The following NKAIN2 variants were observed in gnomAD, a reference collection of about 807,000 sequenced individuals.
NKAIN2 encodes sodium/potassium-transporting ATPase subunit beta-1-interacting protein 2.
In NKAIN2, 14 loss-of-function variants were observed where a neutral mutation model predicts 32.6. The ratio of observed to expected loss-of-function variants is 0.43; its 90% CI spans 0.28 to 0.67. NKAIN2 has a LOEUF of 0.67. NKAIN2 is among the 30% of genes least tolerant of loss of function. NKAIN2 has a pLI of 0.17. For synonymous variants in NKAIN2, 80 were observed against 87.2 expected (o/e 0.92, Z 0.46); for missense variants, 198 against 258.3 (o/e 0.77, Z 1.60).
chr6:123,866,525 G>A (rs1032475332), intron 1 of NKAIN2, among the ~76,000 whole-genome samples: 2 of 152,078 alleles, frequency 1.3e-5, no homozygotes, highest in Non-Finnish European at 2.9e-5. Context: ...CCGCCTCCTG[G>A]ATTCAAGCCA....
At position 124,395,282 on chromosome 6, in the gene NKAIN2, A is replaced by G. The variant is rs539586233; in HGVS notation, c.273+39935A>G. 3.6e-4 allele frequency among the ~76,000 whole-genome samples: 55 copies of G among 152,236 alleles called. 1 individual carries two copies. In the South Asian group the frequency reaches 0.011, roughly 31 times the overall value. On this transcript the variant is annotated intron_variant, in intron 3 of 6. Coordinates refer to ENST00000368417, the MANE Select transcript of NKAIN2 (RefSeq NM_001040214.3). Reference sequence around the variant, plus strand: ...CCATCCAAGTCATAGGTGATTCCAGAGAGAAATCTTCTATGAAATTCTTCC... The same window carrying G: ...CCATCCAAGTCATAGGTGATTCCAGGGAGAAATCTTCTATGAAATTCTTCC...
chr6:124,377,708 T>C (rs1392587568), intron 3 of NKAIN2, among the ~76,000 whole-genome samples: 1 of 152,132 alleles, frequency 6.6e-6, no homozygotes, highest in African/African-American at 2.4e-5. Flanking sequence ...CCATTGAACT[T>C]TACCATGAGA....
intron 1 of NKAIN2, among the ~76,000 whole-genome samples, chr6:123,936,857 A>G (rs1040968400): frequency 2.0e-5 from 3 of 152,170 alleles, no homozygotes; most frequent in African/African-American, 7.2e-5. Flanking sequence ...CTATTATTCT[A>G]GTGGGAATAC....
intron 1 of NKAIN2, among the ~76,000 whole-genome samples, chr6:123,956,569 A>T (rs1000950440): frequency 6.6e-6 from 1 of 152,214 alleles, no homozygotes; most frequent in African/African-American, 2.4e-5. Flanking sequence ...TCCAACCTCC[A>T]CAACTTTGGA....
At chr6:124,419,104 G>A (rs1033411325) in intron 3 of NKAIN2, among the ~76,000 whole-genome samples, 1 of 151,888 alleles carries the variant, frequency 6.6e-6, no homozygotes, top group African/African-American at 2.4e-5. Flanking sequence ...AAATTAATTT[G>A]CCTCCACTTC....
intron 1 of NKAIN2, among the ~76,000 whole-genome samples, chr6:124,026,729 T>A (rs1198244871): frequency 1.3e-5 from 2 of 152,196 alleles, no homozygotes; most frequent in Non-Finnish European, 2.9e-5. Context: ...ACTTGCTGGA[T>A]ATCATTTTTC....
At chr6:124,163,478 TC>T (rs1788378939) in intron 1 of NKAIN2, among the ~76,000 whole-genome samples, 1 of 151,916 alleles carries the variant, frequency 6.6e-6, no homozygotes, top group South Asian at 2.1e-4. Flanking sequence ...TTCCTCCTAG[TC>T]TTGAGTTCTC....
chr6:123,986,255 T>C lies in NKAIN2; in HGVS notation c.54+182001T>C, dbSNP rs61615535. ...AGACAAATACAGTGATTTTAGAAAATGAAGATACTTCTTTTATATAGGCTA... is the reference window on the plus strand; with the variant it reads ...AGACAAATACAGTGATTTTAGAAAACGAAGATACTTCTTTTATATAGGCTA... On this transcript the variant is annotated intron_variant, in intron 1 of 6. Transcript: ENST00000368417. 3.4e-3 allele frequency among the ~76,000 whole-genome samples: 519 copies of C among 152,220 alleles called. 5 individuals carry two copies. Among genetic ancestry groups the C allele is most frequent in the African/African-American group, 0.012 (496 of 41,542 alleles).
At chr6:124,495,008 G>T (rs1432926272) in intron 3 of NKAIN2, among the ~76,000 whole-genome samples, 1 of 151,994 alleles carries the variant, frequency 6.6e-6, no homozygotes, top group Non-Finnish European at 1.5e-5. Flanking sequence ...ACAGTCATTG[G>T]TTAATTCTAT....
chr6:124,413,836 A>G (rs1184256586), intron 3 of NKAIN2, among the ~76,000 whole-genome samples: 2 of 152,128 alleles, frequency 1.3e-5, no homozygotes, highest in Admixed American at 1.3e-4. Flanking sequence ...ATGATTGTGT[A>G]TTGCTAATAT....
In NKAIN2 at chr6:123,895,220, AACACACACAC is replaced by A. The variant is rs900144957; in HGVS notation, c.54+90970_54+90979del. Among the ~76,000 whole-genome samples, 11 of 151,176 alleles carry A rather than the reference AACACACACAC, an allele frequency of 7.3e-5. No homozygotes were observed. In the East Asian group the frequency reaches 2.1e-3, roughly 30 times the overall value. ...ACAGACACACACACACACACACAAGAACACACACACACATACACACAGCAACAGCAGCAGC... is the reference window on the plus strand; with the variant it reads ...ACAGACACACACACACACACACAAGAACATACACACAGCAACAGCAGCAGC... On this transcript the variant is annotated intron_variant, in intron 1 of 6. Coordinates refer to ENST00000368417, the MANE Select transcript of NKAIN2 (RefSeq NM_001040214.3).
intron 4 of NKAIN2, among the ~76,000 whole-genome samples, chr6:124,752,749 T>C (rs1777782889): frequency 6.6e-6 from 1 of 152,092 alleles, no homozygotes; most frequent in Admixed American, 6.6e-5. Context: ...ACAAAGAATG[T>C]ATATCTAAGT....
chr6:124,476,065 A>AGAGTGTGTGTGTGTGT (rs1487948768), intron 3 of NKAIN2, among the ~76,000 whole-genome samples: 4 of 132,462 alleles, frequency 3.0e-5, no homozygotes, highest in African/African-American at 1.2e-4. Context: ...AGAGAGAGAG[A>AGAGTGTGTGTGTGTGT]GTGTGTGTGT....
At chr6:124,801,906 A>G (rs1780277844) in intron 5 of NKAIN2, among the ~76,000 whole-genome samples, 1 of 152,226 alleles carries the variant, frequency 6.6e-6, no homozygotes, top group Non-Finnish European at 1.5e-5. Context: ...CATATTGACC[A>G]AAGGTACACC....
intron 1 of NKAIN2, among the ~76,000 whole-genome samples, chr6:124,005,421 TTCTC>T (rs142679889): frequency 0.03 from 4,634 of 152,234 alleles, 160 homozygotes; most frequent in African/African-American, 0.086. Context: ...GTTAATACAT[TTCTC>T]TCTGTTTAAA....
At chr6:124,534,949 G>A (rs1779662186) in intron 3 of NKAIN2, among the ~76,000 whole-genome samples, 1 of 152,060 alleles carries the variant, frequency 6.6e-6, no homozygotes, top group South Asian at 2.1e-4. Flanking sequence ...AAATGGTATA[G>A]TATTTGCGTA....
At chr6:124,138,661 A>ATAC (rs1454876380) in intron 1 of NKAIN2, among the ~76,000 whole-genome samples, 1 of 71,168 alleles carries the variant, frequency 1.4e-5, no homozygotes, top group African/African-American at 7.8e-5. Flanking sequence ...TAATTATGTT[A>ATAC]TATTATTAAT....
At chr6:124,647,235 G>A (rs781060440) in intron 3 of NKAIN2, among the ~76,000 whole-genome samples, 36 of 151,722 alleles carry the variant, frequency 2.4e-4, no homozygotes, top group African/African-American at 4.8e-5. Context: ...CATTTATATT[G>A]TATAAAATAT....
intron 1 of NKAIN2, among the ~76,000 whole-genome samples, chr6:124,221,975 C>A (rs116791318): frequency 0.014 from 2,097 of 152,136 alleles, 47 homozygotes; most frequent in African/African-American, 0.048. Flanking sequence ...TCTTCTTGAG[C>A]AACATTTGTT....
Sources: allele counts gnomAD v4.1 joint callset (sites outside exome capture counted in the v4.1 genomes callset), GRCh38; gene constraint gnomAD v4.1.1; transcripts MANE v1.5; gene names NCBI Gene and HGNC (gene_info 2026-07-23, HGNC 2026-07-21).